The following ROBO2 variants were observed in gnomAD, a reference collection of about 807,000 sequenced individuals.
The protein encoded by ROBO2 is roundabout guidance receptor 2, also known as roundabout homolog 2.
Under a neutral mutation model 160.8 loss-of-function variants are expected in ROBO2, and 53 were observed. That is an observed-to-expected ratio of 0.33 (90% CI 0.26 to 0.41). The LOEUF is 0.41. Ranked by LOEUF, ROBO2 falls within the 10% of genes least tolerant of loss-of-function variation. The pLI, the probability that ROBO2 is intolerant of heterozygous loss-of-function variation, is 1.00. For missense variants in ROBO2, 1,577 were observed against 1,722.4 expected (o/e 0.92, Z 1.49); for synonymous variants, 664 against 611.7 (o/e 1.09, Z -1.26).
chr3:77,622,214 AT>A lies in ROBO2; in HGVS notation c.3555-10del. 1 of 1,609,770 alleles carries A rather than the reference AT, an allele frequency of 6.2e-7. No homozygotes were observed. The highest frequency in any genetic ancestry group is 8.5e-7 in the Non-Finnish European group (1 of 1,178,218). On this transcript the variant is annotated splice_polypyrimidine_tract_variant and intron_variant, in intron 22 of 25. Coordinates refer to ENST00000461745, the Ensembl canonical transcript of ROBO2. ...AAGTTGCTTTTCTTTTTTAAATTTC[AT>A]TTGAATTCTAGGCACATTCAAAGCA...
At chr3:77,564,960 A>T in exon 12 of ROBO2, 2 of 1,613,312 alleles carry the variant, frequency 1.2e-6, no homozygotes, top group South Asian at 2.2e-5. Flanking sequence ...TCAGCCAATC[A>T]GTGAGCAACA....
chr3:76,309,041 G>T (rs570143526), intron 2 of ROBO2, among the ~76,000 whole-genome samples: 2 of 152,068 alleles, frequency 1.3e-5, no homozygotes, highest in South Asian at 4.2e-4. Context: ...TCTGCCAAAG[G>T]GCCAAGACAT....
At chr3:76,744,316 TTTC>T (rs935025967) in intron 2 of ROBO2, among the ~76,000 whole-genome samples, 1 of 151,952 alleles carries the variant, frequency 6.6e-6, no homozygotes, top group Non-Finnish European at 1.5e-5. Flanking sequence ...CTTCCGTCTT[TTTC>T]TTCTTCTCTT....
At chr3:76,566,716 G>T (rs1262797566) in intron 2 of ROBO2, among the ~76,000 whole-genome samples, 1 of 151,850 alleles carries the variant, frequency 6.6e-6, no homozygotes, top group African/African-American at 2.4e-5. Context: ...CATAGAGTGA[G>T]GGAAAGAAGG....
chr3:77,097,637 T>C (rs932609779), intron 1 of ROBO2, among the ~76,000 whole-genome samples: 9 of 152,182 alleles, frequency 5.9e-5, no homozygotes, highest in African/African-American at 2.2e-4. Context: ...GTGTGTCTTC[T>C]AGCTGCTTGC....
intron 2 of ROBO2, among the ~76,000 whole-genome samples, chr3:76,093,589 AT>A (rs903361818): frequency 7.3e-5 from 11 of 149,960 alleles, no homozygotes; most frequent in African/African-American, 2.2e-4. Flanking sequence ...GCTTGGAATG[AT>A]TTTTTTTCTC....
At chr3:77,419,891 A>G (rs1453558526) in intron 2 of ROBO2, among the ~76,000 whole-genome samples, 1 of 152,150 alleles carries the variant, frequency 6.6e-6, no homozygotes, top group East Asian at 1.9e-4. Flanking sequence ...ACCATAGTGT[A>G]TTCCTGAAAA....
intron 2 of ROBO2, among the ~76,000 whole-genome samples, chr3:77,028,350 T>C (rs2063101184): frequency 6.6e-6 from 1 of 152,138 alleles, no homozygotes; most frequent in Non-Finnish European, 1.5e-5. Flanking sequence ...GCCTCAGTTT[T>C]CTTCATTCAT....
chr3:77,420,093 TA>T (rs936618220), intron 2 of ROBO2, among the ~76,000 whole-genome samples: 28 of 151,194 alleles, frequency 1.9e-4, no homozygotes, highest in East Asian at 7.8e-4. Context: ...CCCCCAACAT[TA>T]AAAAAAAATT....
intron 2 of ROBO2, among the ~76,000 whole-genome samples, chr3:77,155,448 C>T (rs914412167): frequency 6.6e-6 from 1 of 151,920 alleles, no homozygotes; most frequent in Non-Finnish European, 1.5e-5. Context: ...AAAGTGCCTG[C>T]CAACCAGGAA....
intron 2 of ROBO2, among the ~76,000 whole-genome samples, chr3:77,147,484 A>C (rs376505809): frequency 2.8e-4 from 42 of 152,364 alleles, no homozygotes; most frequent in African/African-American, 9.9e-4. Flanking sequence ...CAATACTCAT[A>C]GTTTCATTAC....
At chr3:76,769,713 T>G (rs2061775874) in intron 2 of ROBO2, among the ~76,000 whole-genome samples, 1 of 151,460 alleles carries the variant, frequency 6.6e-6, no homozygotes, top group African/African-American at 2.4e-5. Context: ...TCTCTTGCCG[T>G]GTAGTCCAGG....
intron 2 of ROBO2, among the ~76,000 whole-genome samples, chr3:76,665,986 G>A (rs1310998427): frequency 5.9e-5 from 8 of 134,586 alleles, no homozygotes; most frequent in Admixed American, 7.9e-5. Context: ...ATATATACAT[G>A]TAATATATAT....
intron 2 of ROBO2, among the ~76,000 whole-genome samples, chr3:77,224,701 G>A (rs2086262638): frequency 6.6e-6 from 1 of 151,810 alleles, no homozygotes; most frequent in African/African-American, 2.4e-5. Flanking sequence ...CTCCTCAAAT[G>A]ACTTTATTTA....
At chr3:77,421,271 A>T (rs2077690215) in intron 2 of ROBO2, among the ~76,000 whole-genome samples, 1 of 152,144 alleles carries the variant, frequency 6.6e-6, no homozygotes, top group Non-Finnish European at 1.5e-5. Flanking sequence ...TGTTATTTTG[A>T]GATACTTTTG....
intron 2 of ROBO2, among the ~76,000 whole-genome samples, chr3:77,473,932 A>C (rs772531322): frequency 6.6e-6 from 1 of 151,742 alleles, no homozygotes. Context: ...CTTCCTCCAA[A>C]CCCCCATCTC....
chr3:77,122,706 G>C (rs2074897297), intron 2 of ROBO2, among the ~76,000 whole-genome samples: 1 of 152,164 alleles, frequency 6.6e-6, no homozygotes, highest in Non-Finnish European at 1.5e-5. Context: ...CACCTTCTCA[G>C]ATCTGTTCCA....
chr3:77,495,231 A>G (rs2086635527), intron 5 of ROBO2, among the ~76,000 whole-genome samples: 1 of 152,234 alleles, frequency 6.6e-6, no homozygotes. Flanking sequence ...CTGGGAGTAT[A>G]TGCCCTTGTG....
intron 2 of ROBO2, among the ~76,000 whole-genome samples, chr3:76,997,333 G>T (rs1305263629): frequency 6.6e-6 from 1 of 152,110 alleles, no homozygotes; most frequent in Non-Finnish European, 1.5e-5. Context: ...ACCTTACAAT[G>T]AATTTCTATT....
Sources: allele counts gnomAD v4.1 joint callset (sites outside exome capture counted in the v4.1 genomes callset), GRCh38; gene constraint gnomAD v4.1.1; transcripts MANE v1.5; gene names NCBI Gene and HGNC (gene_info 2026-07-23, HGNC 2026-07-21).